The following RBBP8 variants were observed in gnomAD, a reference collection of about 807,000 sequenced individuals.
The protein encoded by RBBP8 is RB binding protein 8, endonuclease, also known as DNA endonuclease RBBP8.
A neutral mutation model predicts 108.3 loss-of-function variants in RBBP8; 88 were observed. The observed-to-expected ratio is 0.81, with a 90% CI of 0.68 to 0.97. RBBP8 has a LOEUF of 0.97. Ranked by LOEUF, RBBP8 falls within the 50% of genes least tolerant of loss-of-function variation. RBBP8 has a pLI of 0.00. For missense variants in RBBP8, 1,023 were observed against 1,049.0 expected (o/e 0.98, Z 0.34); for synonymous variants, 332 against 348.2 (o/e 0.95, Z 0.52).
At chr18:22,966,974 C>A (rs991295915) in intron 4 of RBBP8, among the ~76,000 whole-genome samples, 3 of 152,162 alleles carry the variant, frequency 2.0e-5, no homozygotes, top group African/African-American at 7.2e-5. Flanking sequence ...GATCTGACCA[C>A]CTCGGCCTCC....
chr18:22,950,939 T>C (rs1911985283), intron 4 of RBBP8, among the ~76,000 whole-genome samples: 1 of 152,214 alleles, frequency 6.6e-6, no homozygotes, highest in South Asian at 2.1e-4. Flanking sequence ...TTTGTATATG[T>C]TACGGAAGGG....
At chr18:23,015,811 A>G (rs988524712) in intron 16 of RBBP8, among the ~76,000 whole-genome samples, 2 of 152,054 alleles carry the variant, frequency 1.3e-5, no homozygotes, top group African/African-American at 2.4e-5. Flanking sequence ...CCATTGCTCT[A>G]TGTGTCTGTT....
chr18:22,972,284 G>T (rs1041660918), intron 5 of RBBP8, among the ~76,000 whole-genome samples: 4 of 144,416 alleles, frequency 2.8e-5, no homozygotes, highest in Non-Finnish European at 6.0e-5. Context: ...AACCCAGGAG[G>T]CAGAGATTGC....
intron 3 of RBBP8, 91 bp downstream of exon 3, chr18:22,946,577 G>T: frequency 1.3e-6 from 2 of 1,547,866 alleles, no homozygotes; most frequent in Non-Finnish European, 1.8e-6. Context: ...TGATACTGAT[G>T]TCCAATTTGA....
intron 8 of RBBP8, among the ~76,000 whole-genome samples, chr18:22,985,501 C>G (rs530611973): frequency 6.6e-6 from 1 of 152,140 alleles, no homozygotes; most frequent in South Asian, 2.1e-4. Flanking sequence ...AATTAGCAAG[C>G]CCGGAGGCTT....
At chr18:22,948,973 C>A (rs945863340) in intron 3 of RBBP8, among the ~76,000 whole-genome samples, 1 of 151,950 alleles carries the variant, frequency 6.6e-6, no homozygotes, top group African/African-American at 2.4e-5. Context: ...AGTTTTTTTT[C>A]TCACTATAAA....
Position 23,016,876 on chromosome 18 carries a change from A to G in RBBP8, c.2406A>G (p.Lys802=). 1 of 1,613,974 alleles carries G rather than the reference A, an allele frequency of 6.2e-7. No homozygotes were observed. The highest frequency in any genetic ancestry group is 8.5e-7 in the Non-Finnish European group (1 of 1,179,954). The change falls in exon 17 of 19, where the codon AAA becomes AAG. Residue 802 remains lysine, a synonymous_variant. Transcript: ENST00000327155. ...NFPHIEVVRK[K]EERRKLLGHT... ...CTCATATTGAGGTGGTTCGGAAAAA[A>G]GAGGAGAGAAGAAAACTGCTTGGGC...
At chr18:22,943,139 A>G (rs958941222) in intron 2 of RBBP8, among the ~76,000 whole-genome samples, 2 of 152,022 alleles carry the variant, frequency 1.3e-5, no homozygotes, top group Non-Finnish European at 2.9e-5. Flanking sequence ...AGTGAAAGGA[A>G]TTGTCCCACT....
At chr18:23,000,302 A>G (rs902741609) in intron 14 of RBBP8, among the ~76,000 whole-genome samples, 12 of 152,176 alleles carry the variant, frequency 7.9e-5, no homozygotes, top group African/African-American at 2.9e-4. Flanking sequence ...TGATTATATA[A>G]TGGGAAATGT....
chr18:22,918,760 C>T (rs564672633), intron 3 of RBBP8, among the ~76,000 whole-genome samples: 4 of 152,210 alleles, frequency 2.6e-5, no homozygotes, highest in African/African-American at 7.2e-5. Flanking sequence ...AGGCACATGC[C>T]GCTACACCTG....
intron 15 of RBBP8, among the ~76,000 whole-genome samples, chr18:23,002,243 C>T (rs1181265048): frequency 1.3e-5 from 2 of 151,974 alleles, no homozygotes; most frequent in Non-Finnish European, 2.9e-5. Context: ...GTGATAAAAC[C>T]TCATTTCTAC....
chr18:22,995,297 A>G (rs539886786), intron 12 of RBBP8, among the ~76,000 whole-genome samples: 3 of 152,014 alleles, frequency 2.0e-5, no homozygotes, highest in African/African-American at 4.8e-5. Flanking sequence ...GTATCTACCT[A>G]CTTAGCCTTT....
chr18:22,930,662 A>G (rs1379837694), upstream of RBBP8, among the ~76,000 whole-genome samples: 2 of 152,332 alleles, frequency 1.3e-5, no homozygotes, highest in African/African-American at 4.8e-5. Context: ...TTACATAGAA[A>G]TGGGATCCAC....
At chr18:22,920,771 T>C (rs1175351342) in intron 3 of RBBP8, 1 of 152,200 alleles carries the variant, frequency 6.6e-6, no homozygotes, top group African/African-American at 2.4e-5. Flanking sequence ...CCTGGAGGAA[T>C]GCCTATTAAA....
intron 13 of RBBP8, 99 bp downstream of exon 13, chr18:22,996,561 A>AG (rs2045862922): frequency 6.5e-7 from 1 of 1,535,314 alleles, no homozygotes; most frequent in South Asian, 1.2e-5. Flanking sequence ...TAAGATAATC[A>AG]GATACGTCTT....
intron 3 of RBBP8, among the ~76,000 whole-genome samples, chr18:22,922,813 A>G (rs1909647180): frequency 6.6e-6 from 1 of 152,212 alleles, no homozygotes; most frequent in African/African-American, 2.4e-5. Context: ...TAAAGAGATT[A>G]GTTTCTCCTT....
At chr18:22,919,470 C>T (rs970732983) in intron 3 of RBBP8, among the ~76,000 whole-genome samples, 2 of 152,208 alleles carry the variant, frequency 1.3e-5, no homozygotes, top group Non-Finnish European at 2.9e-5. Flanking sequence ...AATCTTTTCA[C>T]TTAAATTGTA....
chr18:22,994,654 AAAAAG>A (rs1223483786), intron 12 of RBBP8, among the ~76,000 whole-genome samples: 1 of 151,266 alleles, frequency 6.6e-6, no homozygotes, highest in African/African-American at 2.4e-5. Context: ...CTCAAAAAAA[AAAAAG>A]AAAAAAAAAA....
chr18:22,955,072 T>C (rs1459777668), intron 4 of RBBP8, among the ~76,000 whole-genome samples: 1 of 152,262 alleles, frequency 6.6e-6, no homozygotes, highest in Non-Finnish European at 1.5e-5. Context: ...ATTCTGCATT[T>C]CTTAAAACTA....
Sources: gnomAD v4.1 joint callset for allele counts (sites outside exome capture counted in the v4.1 genomes callset) on GRCh38, gnomAD v4.1.1 for gene constraint, MANE v1.5 for transcripts, NCBI Gene and HGNC (gene_info 2026-07-23, HGNC 2026-07-21) for gene names.